NXPH1: variants seen among roughly 807,000 people sequenced by gnomAD.
NXPH1 encodes neurexophilin 1.
A neutral mutation model predicts 23.7 loss-of-function variants in NXPH1; 5 were observed. The observed-to-expected ratio is 0.21, with a 90% CI of 0.11 to 0.44. The LOEUF is 0.44. Ranked by LOEUF, NXPH1 falls within the 20% of genes least tolerant of loss-of-function variation. The probability of loss-of-function intolerance (pLI) is 0.99; values close to 1 mark genes in which losing one functional copy is unlikely to be tolerated. For missense variants in NXPH1, 324 were observed against 321.6 expected (o/e 1.01, Z -0.06); for synonymous variants, 144 against 122.2 (o/e 1.18, Z -1.18).
chr7:8,571,167 C>CTA (rs1818639954), intron 2 of NXPH1, among the ~76,000 whole-genome samples: 1 of 151,734 alleles, frequency 6.6e-6, no homozygotes, highest in African/African-American at 2.4e-5. Flanking sequence ...TCCAGGTGAG[C>CTA]TATAGCATGT....
rs1554270442 is a variant in NXPH1, at chr7:8,751,587, T to C, written c.634T>C (p.Tyr212His). 5 of 1,613,596 alleles carry C rather than the reference T, an allele frequency of 3.1e-6. No homozygotes were observed. The highest frequency in any genetic ancestry group is 4.2e-6 in the Non-Finnish European group (5 of 1,179,768). The change falls in exon 3 of 3, where the codon TAT becomes CAT. Residue 212 changes from tyrosine (Y) to histidine (H), a missense_variant. Transcript: ENST00000405863. This position sits in a 1 kb window ranked among gnomAD's most constrained non-coding sequence, Gnocchi z 4.5. The stretch of plus-strand genomic sequence containing the variant: ...GGCTACCAAGAACACACTCTGCAAC[T>C]ATGACCCTTCAAAAACCTGTTACCA... ...DKATKNTLCNYDPSKTCYQEQ... is the reference protein window; with the variant it reads ...DKATKNTLCNHDPSKTCYQEQ...
chr7:8,607,758 C>T (rs531653460), intron 2 of NXPH1, among the ~76,000 whole-genome samples: 2 of 152,192 alleles, frequency 1.3e-5, no homozygotes, highest in East Asian at 1.9e-4. Context: ...GAAATATGTT[C>T]CCCAAAAAGA....
chr7:8,731,022 T>G (rs1583250562), intron 2 of NXPH1, among the ~76,000 whole-genome samples: 1 of 144,126 alleles, frequency 6.9e-6, no homozygotes, highest in South Asian at 2.2e-4. Context: ...CCATATTTCT[T>G]GGAGGCTTTG....
intron 2 of NXPH1, among the ~76,000 whole-genome samples, chr7:8,565,482 T>C (rs554071817): frequency 3.0e-4 from 36 of 121,996 alleles, no homozygotes; most frequent in Admixed American, 2.5e-3. Flanking sequence ...ACTATTTCTA[T>C]AGAATCACAG....
intron 2 of NXPH1, among the ~76,000 whole-genome samples, chr7:8,615,523 A>G (rs369220886): frequency 3.3e-5 from 5 of 152,164 alleles, no homozygotes; most frequent in East Asian, 1.9e-4. Flanking sequence ...AATCTTTCCT[A>G]TAGCTATTGC....
chr7:8,547,147 C>G (rs186688305), intron 2 of NXPH1, among the ~76,000 whole-genome samples: 1 of 151,374 alleles, frequency 6.6e-6, no homozygotes, highest in Non-Finnish European at 1.5e-5. Flanking sequence ...AACCCAATGC[C>G]CCCTTAGGTG....
At chr7:8,646,503 A>G (rs2115147810) in intron 2 of NXPH1, among the ~76,000 whole-genome samples, 1 of 152,232 alleles carries the variant, frequency 6.6e-6, no homozygotes, top group Non-Finnish European at 1.5e-5. Context: ...TAAACTTTAG[A>G]AGAGAATGCT....
chr7:8,515,588 A>G (rs1428387306), intron 2 of NXPH1, among the ~76,000 whole-genome samples: 1 of 98,870 alleles, frequency 1.0e-5, no homozygotes, highest in Non-Finnish European at 2.1e-5. Flanking sequence ...ATTGCACCAA[A>G]AGTAGTTTGC....
At chr7:8,674,505 G>A (rs1000864482) in intron 2 of NXPH1, among the ~76,000 whole-genome samples, 3 of 152,146 alleles carry the variant, frequency 2.0e-5, no homozygotes, top group Non-Finnish European at 4.4e-5. Context: ...TAAGAAATAT[G>A]GGTGCATTCG....
chr7:8,747,219 G>C (rs886703245), intron 2 of NXPH1, among the ~76,000 whole-genome samples: 1 of 152,160 alleles, frequency 6.6e-6, no homozygotes, highest in African/African-American at 2.4e-5. Context: ...AACCTGGACT[G>C]GGATTCAGGC....
At chr7:8,484,232 C>A (rs528687500) in intron 2 of NXPH1, among the ~76,000 whole-genome samples, 71 of 152,028 alleles carry the variant, frequency 4.7e-4, no homozygotes, top group Non-Finnish European at 8.1e-4. Flanking sequence ...CTGTGCTCAG[C>A]AAATCACAAC....
At chr7:8,621,686 AT>A (rs1483477872) in intron 2 of NXPH1, among the ~76,000 whole-genome samples, 1 of 152,064 alleles carries the variant, frequency 6.6e-6, no homozygotes, top group Non-Finnish European at 1.5e-5. Context: ...GGGTTTCACC[AT>A]GTTGACAAGG....
At chr7:8,581,670 G>A (rs1818876051) in intron 2 of NXPH1, among the ~76,000 whole-genome samples, 1 of 152,160 alleles carries the variant, frequency 6.6e-6, no homozygotes. Context: ...ACAGAGCTTA[G>A]AGTGTAGAAA....
At chr7:8,670,164 C>G (rs1820845319) in intron 2 of NXPH1, among the ~76,000 whole-genome samples, 2 of 152,178 alleles carry the variant, frequency 1.3e-5, no homozygotes, top group Admixed American at 1.3e-4. Flanking sequence ...AGATGAACTT[C>G]CCTCTGCCTT....
At chr7:8,555,656 T>C (rs1249798595) in intron 2 of NXPH1, among the ~76,000 whole-genome samples, 2 of 151,684 alleles carry the variant, frequency 1.3e-5, no homozygotes, top group African/African-American at 4.8e-5. Context: ...CTCCCCAACC[T>C]CATTTCTTTG....
intron 2 of NXPH1, among the ~76,000 whole-genome samples, chr7:8,492,590 C>T (rs752482763): frequency 6.6e-6 from 1 of 152,026 alleles, no homozygotes. Context: ...ATGGAGCTTA[C>T]ACAATCAACT....
chr7:8,551,237 T>C (rs922917898), intron 2 of NXPH1, among the ~76,000 whole-genome samples: 6 of 151,558 alleles, frequency 4.0e-5, no homozygotes, highest in African/African-American at 1.5e-4. Flanking sequence ...CTGTGTTTCC[T>C]CTTTTACAAA....
At chr7:8,680,433 A>G in intron 2 of NXPH1, among the ~76,000 whole-genome samples, 1 of 152,186 alleles carries the variant, frequency 6.6e-6, no homozygotes, top group East Asian at 1.9e-4. Context: ...ATATAACCTA[A>G]GATTGTAGAT....
chr7:8,661,011 T>G (rs1297971724), intron 2 of NXPH1, among the ~76,000 whole-genome samples: 1 of 150,460 alleles, frequency 6.6e-6, no homozygotes, highest in East Asian at 2.0e-4. Context: ...GAACGATCTT[T>G]TCCTCAGGAA....
Sources: gnomAD v4.1 joint callset for allele counts (sites outside exome capture counted in the v4.1 genomes callset) on GRCh38, gnomAD v4.1.1 for gene constraint, Gnocchi (gnomAD v3.1) non-coding constraint, MANE v1.5 for transcripts, NCBI Gene and HGNC (gene_info 2026-07-23, HGNC 2026-07-21) for gene names.